TEX11: variants seen among roughly 807,000 people sequenced by gnomAD.
TEX11 encodes testis expressed 11, also known as testis-expressed protein 11.
TEX11 carries 7 observed loss-of-function variants against 84.4 expected under a neutral mutation model. That is an observed-to-expected ratio of 0.08 (90% CI 0.05 to 0.16). The LOEUF (loss-of-function observed/expected upper bound fraction) is 0.16, where lower values mean the gene tolerates loss of function less well. TEX11 is among the 10% of genes least tolerant of loss of function. The probability of loss-of-function intolerance (pLI) is 1.00; values close to 1 mark genes in which losing one functional copy is unlikely to be tolerated. For missense variants in TEX11, 551 were observed against 660.5 expected, an observed-to-expected ratio of 0.83 and a Z score of 1.82; for synonymous variants, 264 against 222.8, an observed-to-expected ratio of 1.18 and a Z score of -1.64.
At chrX:70,660,659 C>T (rs2089915801) in intron 16 of TEX11, among the ~76,000 whole-genome samples, 1 of 112,172 alleles carries the variant, frequency 8.9e-6, no homozygotes, top group Admixed American at 9.4e-5. Context: ...ATAATGCCTT[C>T]TTCTGGAATA....
chrX:70,720,321 A>T (rs779908885), intron 13 of TEX11, among the ~76,000 whole-genome samples: 4 of 110,880 alleles, frequency 3.6e-5, no homozygotes, highest in African/African-American at 1.3e-4. Context: ...TTGAACAATG[A>T]GAACACTTGG....
chrX:70,889,171 T>A (rs2091724894), intron 2 of TEX11, among the ~76,000 whole-genome samples: 1 of 110,872 alleles, frequency 9.0e-6, no homozygotes, highest in African/African-American at 3.3e-5. Flanking sequence ...ATCCCAGCAC[T>A]TTGGGAGGCC....
chrX:70,591,715 C>T (rs1443895859), intron 25 of TEX11, 36 bp downstream of exon 25: 1 of 1,108,137 alleles, frequency 9.0e-7, no homozygotes, highest in South Asian at 1.9e-5. Context: ...AAGCTCCTTT[C>T]AAACTGTGTT....
At chrX:70,724,314 C>T (rs768963777) in intron 12 of TEX11, 2 of 579,457 alleles carry the variant, frequency 3.5e-6, no homozygotes, top group South Asian at 1.8e-4. Flanking sequence ...ATGCAGAATC[C>T]CCAATACATT....
At chrX:70,553,435 AG>A (rs1344631594) in intron 26 of TEX11, 21 bp from the exon 27 acceptor site, 4 of 1,103,104 alleles carry the variant, frequency 3.6e-6, no homozygotes, top group East Asian at 3.0e-5. Context: ...AAAAGGAAAA[AG>A]GTTGTGAACA....
intron 9 of TEX11, among the ~76,000 whole-genome samples, chrX:70,788,100 T>C (rs1238536663): frequency 9.0e-6 from 1 of 111,570 alleles, no homozygotes; most frequent in Non-Finnish European, 1.9e-5. Context: ...AAAAGTGATA[T>C]GCAGATTCAA....
chrX:70,749,045 A>C (rs1045864698), intron 9 of TEX11, among the ~76,000 whole-genome samples: 1 of 101,534 alleles, frequency 9.8e-6, no homozygotes, highest in Non-Finnish European at 1.9e-5. Flanking sequence ...GATTCTTCCT[A>C]CCCATGAGCA....
chrX:70,546,926 A>T (rs2088134137), intron 28 of TEX11, among the ~76,000 whole-genome samples: 1 of 107,945 alleles, frequency 9.3e-6, no homozygotes, highest in Non-Finnish European at 1.9e-5. Flanking sequence ...TTATAGTAGC[A>T]TTATTCATGA....
At chrX:70,903,619 T>A (rs2091814585) in intron 2 of TEX11, among the ~76,000 whole-genome samples, 1 of 110,586 alleles carries the variant, frequency 9.0e-6, no homozygotes, top group Admixed American at 9.7e-5. Context: ...GGATAGAGCA[T>A]GTTTAAAGGA....
intron 9 of TEX11, among the ~76,000 whole-genome samples, chrX:70,764,798 CCAA>C (rs983789490): frequency 1.3e-4 from 14 of 111,377 alleles, no homozygotes; most frequent in African/African-American, 2.6e-4. Context: ...CCTGAACACA[CCAA>C]CAACAAGTAA....
chrX:70,526,822 C>T (rs973986209), downstream of TEX11, among the ~76,000 whole-genome samples: 5 of 110,654 alleles, frequency 4.5e-5, no homozygotes, highest in East Asian at 2.8e-4. Context: ...TGACTGATTC[C>T]GGGTCTGGCA....
At chrX:70,645,071 C>T (rs1055745180) in intron 17 of TEX11, among the ~76,000 whole-genome samples, 6 of 109,809 alleles carry the variant, frequency 5.5e-5, no homozygotes, top group Non-Finnish European at 1.1e-4. Flanking sequence ...AAGTCCTAGA[C>T]ATATAAAACC....
At chrX:70,822,226 C>A (rs1257487703) in intron 8 of TEX11, among the ~76,000 whole-genome samples, 1 of 110,822 alleles carries the variant, frequency 9.0e-6, no homozygotes, top group Non-Finnish European at 1.9e-5. Context: ...TGCAACCATC[C>A]TTTTTTCCCA....
chrX:70,646,687 C>T, intron 17 of TEX11, among the ~76,000 whole-genome samples: 1 of 111,629 alleles, frequency 9.0e-6, no homozygotes, highest in East Asian at 2.8e-4. Context: ...AACATCACCC[C>T]ACATCTGCTA....
chrX:70,883,271 G>A (rs185779875), intron 2 of TEX11, among the ~76,000 whole-genome samples: 12 of 111,796 alleles, frequency 1.1e-4, no homozygotes, highest in African/African-American at 3.2e-4. Flanking sequence ...CACTGCATCC[G>A]ATGAAAAGAA....
chrX:70,837,492 G>C (rs1363015761), intron 7 of TEX11, among the ~76,000 whole-genome samples: 2 of 111,063 alleles, frequency 1.8e-5, no homozygotes, highest in Non-Finnish European at 3.8e-5. Flanking sequence ...GAACTCAGGA[G>C]GCAGTAGTTG....
At chrX:70,539,350 C>T (rs1042479254) in intron 28 of TEX11, among the ~76,000 whole-genome samples, 4 of 110,193 alleles carry the variant, frequency 3.6e-5, no homozygotes, top group African/African-American at 6.6e-5. Flanking sequence ...ATAGTTAAAA[C>T]GCAGACTGAT....
chrX:70,599,238 T>TC (rs961736838), intron 24 of TEX11, among the ~76,000 whole-genome samples: 5 of 112,166 alleles, frequency 4.5e-5, no homozygotes, highest in African/African-American at 1.6e-4. Context: ...TTCTTTATTT[T>TC]CAACTACAAC....
intron 16 of TEX11, among the ~76,000 whole-genome samples, chrX:70,667,713 G>A (rs1326051715): frequency 9.0e-6 from 1 of 111,569 alleles, no homozygotes; most frequent in Non-Finnish European, 1.9e-5. Context: ...AGATCATGAG[G>A]TCAGGAGTTC....
Sources: gnomAD v4.1 joint callset for allele counts (sites outside exome capture counted in the v4.1 genomes callset) on GRCh38, gnomAD v4.1.1 for gene constraint, MANE v1.5 for transcripts, NCBI Gene and HGNC (gene_info 2026-07-23, HGNC 2026-07-21) for gene names.